The following TSPAN9 variants were observed in gnomAD, a reference collection of about 807,000 sequenced individuals.
The protein encoded by TSPAN9 is tetraspanin-9.
TSPAN9 carries 16 observed loss-of-function variants against 31.0 expected under a neutral mutation model. The ratio of observed to expected loss-of-function variants is 0.52; its 90% CI spans 0.35 to 0.78. The LOEUF (loss-of-function observed/expected upper bound fraction) is 0.78, where lower values mean the gene tolerates loss of function less well. Among genes scored for constraint, TSPAN9 ranks in the 30% least tolerant of loss-of-function variants. The probability of loss-of-function intolerance (pLI) is 0.01; values close to 1 mark genes in which losing one functional copy is unlikely to be tolerated. For synonymous variants in TSPAN9, 145 were observed against 121.6 expected, an observed-to-expected ratio of 1.19 and a Z score of -1.27; for missense variants, 272 against 312.5, an observed-to-expected ratio of 0.87 and a Z score of 0.98.
At chr12:3,210,051 G>A (rs140786743) in intron 3 of TSPAN9, among the ~76,000 whole-genome samples, 1,895 of 147,418 alleles carry the variant, frequency 0.013, 21 homozygotes, top group South Asian at 0.038. Context: ...CAGGAGAATG[G>A]CATCAACCCA....
At chr12:3,226,334 A>G (rs891657677) in intron 3 of TSPAN9, among the ~76,000 whole-genome samples, 4 of 152,114 alleles carry the variant, frequency 2.6e-5, no homozygotes, top group Non-Finnish European at 5.9e-5. Context: ...TCACAAGTTC[A>G]AGGGGACGAG....
intron 3 of TSPAN9, among the ~76,000 whole-genome samples, chr12:3,209,537 T>C (rs1377107938): frequency 6.6e-6 from 1 of 152,154 alleles, no homozygotes; most frequent in Non-Finnish European, 1.5e-5. Flanking sequence ...TTCTCAGAGG[T>C]GGTCCTGCTG....
chr12:3,257,183 G>A (rs1862362937), intron 3 of TSPAN9, among the ~76,000 whole-genome samples: 1 of 151,964 alleles, frequency 6.6e-6, no homozygotes, highest in African/African-American at 2.4e-5. Context: ...GAGTCTGCTG[G>A]TGGCATGACA....
rs141837471 is a variant in TSPAN9, at chr12:3,194,559, G to A, written c.-17-6618G>A. Reference sequence around the variant, plus strand: ...ATGCTACCACACCCAGCTAATTTTTGTATTTTTTGTAGAGATAAGGTCTCA... The same window carrying A: ...ATGCTACCACACCCAGCTAATTTTTATATTTTTTGTAGAGATAAGGTCTCA... On this transcript the variant is annotated intron_variant, in intron 2 of 8. Coordinates refer to ENST00000011898, the MANE Select transcript of TSPAN9 (RefSeq NM_006675.5). Among the ~76,000 whole-genome samples, 934 of 152,066 alleles carry A rather than the reference G, an allele frequency of 6.1e-3. 13 individuals are homozygous for A. Among genetic ancestry groups the A allele is most frequent in the African/African-American group, 0.022 (892 of 41,484 alleles).
chr12:3,232,912 C>G (rs1417692277), intron 3 of TSPAN9, among the ~76,000 whole-genome samples: 1 of 152,182 alleles, frequency 6.6e-6, no homozygotes, highest in East Asian at 1.9e-4. Flanking sequence ...TTTTTCAGAG[C>G]CACACAGAAA....
At chr12:3,132,836 G>C (rs12311021) in intron 2 of TSPAN9, among the ~76,000 whole-genome samples, 19,324 of 151,940 alleles carry the variant, frequency 0.13, 1,333 homozygotes, top group South Asian at 0.18. Context: ...CAGCCTCATC[G>C]TCCCCACCGC....
At chr12:3,105,868 G>A (rs940932351) in intron 2 of TSPAN9, among the ~76,000 whole-genome samples, 50 of 147,776 alleles carry the variant, frequency 3.4e-4, no homozygotes, top group Non-Finnish European at 6.6e-4. Context: ...ACACACACAC[G>A]CTCACACACA....
At chr12:3,081,907 G>A (rs2098298139) in intron 1 of TSPAN9, among the ~76,000 whole-genome samples, 2 of 149,718 alleles carry the variant, frequency 1.3e-5, no homozygotes, top group African/African-American at 5.0e-5. Flanking sequence ...GGAGGTGGAA[G>A]GATCGCTTGA....
rs1332289557 is a variant in TSPAN9 at position 3,168,024 on chromosome 12, GT to G, written c.-17-33152del. Among the ~76,000 whole-genome samples, 7 of 152,264 alleles carry G rather than the reference GT, an allele frequency of 4.6e-5. No homozygotes were observed. The South Asian group carries it at 1.5e-3, about 32-fold the overall frequency. ...GGGTCAGTTTGGTTTGCAGGCCTTT[GT>G]GGATAAAAGCATGTCCTGGGGTCCA... On this transcript the variant is annotated intron_variant, in intron 2 of 8. Coordinates refer to ENST00000011898, the MANE Select transcript of TSPAN9 (RefSeq NM_006675.5). This position sits in a 1 kb window ranked among gnomAD's most constrained non-coding sequence, Gnocchi z 4.0.
At chr12:3,096,192 T>C (rs2098308741) in intron 2 of TSPAN9, among the ~76,000 whole-genome samples, 1 of 152,176 alleles carries the variant, frequency 6.6e-6, no homozygotes, top group Admixed American at 6.5e-5. Context: ...TTGATTCAAG[T>C]CAGGAACTAA....
intron 2 of TSPAN9, among the ~76,000 whole-genome samples, chr12:3,175,797 C>T (rs747245077): frequency 5.3e-5 from 8 of 152,248 alleles, no homozygotes; most frequent in East Asian, 1.9e-4. Flanking sequence ...CCACTGCAGC[C>T]GAGTTGCTTT....
At chr12:3,163,852 G>A (rs2098346847) in intron 2 of TSPAN9, among the ~76,000 whole-genome samples, 1 of 152,176 alleles carries the variant, frequency 6.6e-6, no homozygotes, top group Non-Finnish European at 1.5e-5. Flanking sequence ...GAAAACCTCT[G>A]GTGTGAGTTA....
chr12:3,219,730 G>T (rs2098383298), intron 3 of TSPAN9, among the ~76,000 whole-genome samples: 1 of 151,842 alleles, frequency 6.6e-6, no homozygotes, highest in Non-Finnish European at 1.5e-5. Context: ...GCTAGGGGAG[G>T]GATAGCATTA....
chr12:3,252,477 C>T (rs78560707), intron 3 of TSPAN9, among the ~76,000 whole-genome samples: 3,505 of 152,356 alleles, frequency 0.023, 54 homozygotes, highest in Middle Eastern at 0.048. Context: ...GGGCTCCCCC[C>T]AGCCCCATGC....
intron 2 of TSPAN9, chr12:3,124,872 A>T (rs1328783031): frequency 6.6e-6 from 1 of 152,148 alleles, no homozygotes; most frequent in Non-Finnish European, 1.5e-5. Flanking sequence ...AGCCTAGGCA[A>T]CATAGTGAGA....
At position 3,089,299 on chromosome 12, in the gene TSPAN9, A is replaced by ATTT. The variant is rs71057897; in HGVS notation, c.-18+5594_-18+5596dup. Among the ~76,000 whole-genome samples the ATTT allele has an allele frequency of 4.1e-3, 527 of 128,852 alleles. 10 individuals are homozygous for ATTT. The highest frequency in any genetic ancestry group is 9.0e-3 in the African/African-American group (309 of 34,384). 84.5% of individuals were successfully genotyped at this position (128,852 alleles called of 152,430 possible). On this transcript the variant is annotated intron_variant, in intron 2 of 8. Coordinates refer to ENST00000011898, the MANE Select transcript of TSPAN9 (RefSeq NM_006675.5). ...TAGATTGTAGCAGAATTCAAGGTGA[A>ATTT]TTTTTTTTTTTTTTTTGAGACAAGT...
intron 2 of TSPAN9, among the ~76,000 whole-genome samples, chr12:3,145,208 C>T (rs775742564): frequency 3.9e-5 from 6 of 152,174 alleles, no homozygotes; most frequent in South Asian, 4.1e-4. Flanking sequence ...GTCAGGACCG[C>T]GACTGCCCTT....
At chr12:3,225,959 A>G (rs3782814) in intron 3 of TSPAN9, among the ~76,000 whole-genome samples, 110,036 of 151,936 alleles carry the variant, frequency 0.72, 40,015 homozygotes, top group South Asian at 0.9. Flanking sequence ...GCTGGGGACC[A>G]TTTTTTCTTT....
At chr12:3,119,865 T>C (rs1244856029) in intron 2 of TSPAN9, among the ~76,000 whole-genome samples, 2 of 152,090 alleles carry the variant, frequency 1.3e-5, no homozygotes, top group Non-Finnish European at 2.9e-5. Context: ...GGAAGTACGG[T>C]GCCCTGTCAC....
Sources: gnomAD v4.1 joint callset for allele counts (sites outside exome capture counted in the v4.1 genomes callset) on GRCh38, gnomAD v4.1.1 for gene constraint, Gnocchi (gnomAD v3.1) non-coding constraint, MANE v1.5 for transcripts, NCBI Gene and HGNC (gene_info 2026-07-23, HGNC 2026-07-21) for gene names.